DAPK2: variants seen among roughly 807,000 people sequenced by gnomAD.
DAPK2 encodes death associated protein kinase 2.
DAPK2 carries 35 observed loss-of-function variants against 44.1 expected under a neutral mutation model. The observed-to-expected ratio is 0.79, with a 90% CI of 0.61 to 1.05. The LOEUF is 1.05. Ranked by LOEUF, DAPK2 falls within the 50% of genes least tolerant of loss-of-function variation. The pLI, the probability that DAPK2 is intolerant of heterozygous loss-of-function variation, is 0.00. For synonymous variants in DAPK2, 174 were observed against 182.6 expected, an observed-to-expected ratio of 0.95 and a Z score of 0.38; for missense variants, 453 against 483.2, an observed-to-expected ratio of 0.94 and a Z score of 0.59.
intron 3 of DAPK2, among the ~76,000 whole-genome samples, chr15:63,947,739 T>C (rs1198595308): frequency 2.6e-5 from 4 of 152,212 alleles, no homozygotes; most frequent in Non-Finnish European, 5.9e-5. Context: ...ATGATGTCTC[T>C]CCTTCCCAGA....
Position 64,013,717 on chromosome 15 carries a change from G to A in DAPK2, c.92+26453C>T, listed in dbSNP as rs1461239365. On this transcript the variant is annotated intron_variant, in intron 1 of 10. Transcript: ENST00000261891. This position sits in a 1 kb window ranked among gnomAD's most constrained non-coding sequence, Gnocchi z 4.7. Reference sequence around the variant, plus strand: ...ACAGAGTTATAGGTTTCCTGGCAGCGGTGACTGAGAAAGCAAGCTGGATTT... The same window carrying A: ...ACAGAGTTATAGGTTTCCTGGCAGCAGTGACTGAGAAAGCAAGCTGGATTT... Among the ~76,000 whole-genome samples the A allele has an allele frequency of 1.3e-5, 2 of 152,122 alleles. No homozygotes were observed. The highest frequency in any genetic ancestry group is 1.3e-4 in the Admixed American group (2 of 15,274).
intron 1 of DAPK2, among the ~76,000 whole-genome samples, chr15:64,033,287 G>GAA (rs2080077035): frequency 3.9e-5 from 2 of 51,176 alleles, no homozygotes; most frequent in African/African-American, 1.2e-4. Context: ...AGGGGGAAGG[G>GAA]GGAAGGAAGG....
At chr15:63,934,130 C>G (rs553066465) in intron 4 of DAPK2, among the ~76,000 whole-genome samples, 35 of 151,614 alleles carry the variant, frequency 2.3e-4, no homozygotes, top group African/African-American at 7.5e-4. Flanking sequence ...CTGTGGATAT[C>G]TAACAAATTC....
intron 1 of DAPK2, among the ~76,000 whole-genome samples, chr15:64,045,579 C>T (rs1445014640): frequency 6.6e-6 from 1 of 152,220 alleles, no homozygotes; most frequent in Non-Finnish European, 1.5e-5. Flanking sequence ...CCTGCACGGC[C>T]TCAACGAGGC....
chr15:63,971,158 G>C (rs2078201531), intron 3 of DAPK2, among the ~76,000 whole-genome samples: 1 of 152,160 alleles, frequency 6.6e-6, no homozygotes, highest in African/African-American at 2.4e-5. Context: ...GTTCCCCCCT[G>C]CTCCCTGAAA....
At chr15:63,976,084 T>G (rs1162324019) in intron 2 of DAPK2, among the ~76,000 whole-genome samples, 1 of 152,156 alleles carries the variant, frequency 6.6e-6, no homozygotes, top group Non-Finnish European at 1.5e-5. Context: ...CATAAAATAG[T>G]GACATAGAAA....
rs1361648009 is a variant in DAPK2 at position 63,912,390 on chromosome 15, T to C, written c.859-193A>G. Among the ~76,000 whole-genome samples the C allele has an allele frequency of 6.6e-6, 1 of 152,096 alleles. No homozygotes were observed. The highest frequency in any genetic ancestry group is 2.4e-5 in the African/African-American group (1 of 41,424). ...TACACATGTCTCAGCTGTTCAGGAG[T>C]TGCCTCTCAGCTATTATTACCACAG... On this transcript the variant is annotated intron_variant, in intron 8 of 10. Transcript: ENST00000261891. The surrounding 1 kb of genome is among the most constrained non-coding windows in gnomAD (Gnocchi z 4.4).
At chr15:63,978,117 A>G (rs2078404886) in intron 2 of DAPK2, among the ~76,000 whole-genome samples, 1 of 152,242 alleles carries the variant, frequency 6.6e-6, no homozygotes, top group Non-Finnish European at 1.5e-5. Context: ...GAAAGAAAGA[A>G]ATAAAACATT....
chr15:64,036,340 T>TAC (rs1555484602), intron 1 of DAPK2, among the ~76,000 whole-genome samples: 9 of 119,712 alleles, frequency 7.5e-5, no homozygotes, highest in South Asian at 2.4e-4. Flanking sequence ...TATATATACA[T>TAC]ATATATATAT....
At chr15:64,019,614 G>A (rs540404826) in intron 1 of DAPK2, among the ~76,000 whole-genome samples, 1 of 152,208 alleles carries the variant, frequency 6.6e-6, no homozygotes, top group South Asian at 2.1e-4. Flanking sequence ...CAAATCTGTG[G>A]CAATTTCACT....
intron 3 of DAPK2, among the ~76,000 whole-genome samples, chr15:63,957,806 G>A (rs776336351): frequency 3.9e-5 from 6 of 152,018 alleles, no homozygotes; most frequent in South Asian, 2.1e-4. Flanking sequence ...GAATAGTGCC[G>A]CAATAAACAT....
Position 63,980,138 on chromosome 15 carries a change from G to A in DAPK2, c.314+3395C>T, listed in dbSNP as rs1456410631. Among the ~76,000 whole-genome samples, 2 of 152,114 alleles carry A rather than the reference G, an allele frequency of 1.3e-5. No individual in the cohort carries two copies. Among genetic ancestry groups the A allele is most frequent in the Non-Finnish European group, 2.9e-5 (2 of 68,026 alleles). ...AACGGGACAGAACTTAATAAGCACA[G>A]AGGCCCAAGCAAGTCATGGGAGCAC... is the stretch of plus-strand genomic sequence containing the variant. On this transcript the variant is annotated intron_variant, in intron 2 of 10. Coordinates refer to ENST00000261891, the Ensembl canonical transcript of DAPK2. This position sits in a 1 kb window ranked among gnomAD's most constrained non-coding sequence, Gnocchi z 4.3.
intron 8 of DAPK2, chr15:63,920,505 A>G (rs2079043466): frequency 1.3e-5 from 2 of 152,178 alleles, no homozygotes; most frequent in African/African-American, 4.8e-5. Flanking sequence ...CCATAAAATG[A>G]TGATGCATCT....
chr15:63,952,356 T>A (rs1464576304), intron 3 of DAPK2, among the ~76,000 whole-genome samples: 1 of 152,200 alleles, frequency 6.6e-6, no homozygotes, highest in Non-Finnish European at 1.5e-5. Context: ...GAAATGGCAA[T>A]TCTGTTGGGC....
chr15:64,012,799 G>T (rs1242551049), intron 1 of DAPK2, among the ~76,000 whole-genome samples: 6 of 152,172 alleles, frequency 3.9e-5, no homozygotes, highest in African/African-American at 1.4e-4. Flanking sequence ...TCAGGAGGAT[G>T]GTGGGAGGGA....
intron 2 of DAPK2, among the ~76,000 whole-genome samples, chr15:63,975,617 G>C (rs1401380461): frequency 9.4e-6 from 1 of 106,860 alleles, no homozygotes; most frequent in South Asian, 3.3e-4. Context: ...TTTTTTTTTT[G>C]AGACAGAGTC....
At chr15:63,972,031 A>G (rs1226832504) in intron 2 of DAPK2, among the ~76,000 whole-genome samples, 1 of 152,256 alleles carries the variant, frequency 6.6e-6, no homozygotes, top group Admixed American at 6.5e-5. Flanking sequence ...AAATGAGATT[A>G]GTGCCCTTAT....
Position 63,916,497 on chromosome 15 carries a change from T to C in DAPK2, c.859-4300A>G, listed in dbSNP as rs566434864. 4 of 152,494 alleles carry C rather than the reference T, an allele frequency of 2.6e-5. No individual in the cohort carries two copies. The East Asian group carries it at 7.7e-4, about 29-fold the overall frequency. 9.4% of individuals were successfully genotyped at this position (152,494 alleles called of 1,614,324 possible). ...CGCTGCCCTTCCCTCAATGGAGTTT[T>C]ATAGGTGGCACCCCTCCACCCCTCC... is the stretch of plus-strand genomic sequence containing the variant. On this transcript the variant is annotated intron_variant, in intron 8 of 10. Transcript: ENST00000261891. The surrounding 1 kb of genome is among the most constrained non-coding windows in gnomAD (Gnocchi z 4.7).
chr15:63,955,139 ATTTC>A (rs917950989), intron 3 of DAPK2, among the ~76,000 whole-genome samples: 1 of 152,058 alleles, frequency 6.6e-6, no homozygotes, highest in African/African-American at 2.4e-5. Flanking sequence ...GACGCCCTTT[ATTTC>A]TTTCTCTTGT....
Sources: allele counts gnomAD v4.1 joint callset (sites outside exome capture counted in the v4.1 genomes callset), GRCh38; gene constraint gnomAD v4.1.1; non-coding constraint Gnocchi (gnomAD v3.1); transcripts MANE v1.5; gene names NCBI Gene and HGNC (gene_info 2026-07-23, HGNC 2026-07-21).